RBMXL3: variants seen among roughly 807,000 people sequenced by gnomAD.
The protein encoded by RBMXL3 is RNA-binding motif protein, X-linked-like-3.
In RBMXL3, 2 loss-of-function variants were observed where a neutral mutation model predicts 0.8. That is an observed-to-expected ratio of 2.54 (90% CI 1.04 to 8.00). The LOEUF is 8.00. RBMXL3 is among the 30% of genes most tolerant of loss of function. The pLI is 0.04. For synonymous variants in RBMXL3, 447 were observed against 449.8 expected (o/e 0.99, Z 0.08); for missense variants, 1,127 against 1,068.0 (o/e 1.06, Z -0.77).
In RBMXL3 at chrX:115,190,958, T is replaced by TA. The variant is rs1266237186; in HGVS notation, c.1518dup (p.Gly507ArgfsTer5). 2 of 991,162 alleles carry TA rather than the reference T, an allele frequency of 2.0e-6. No individual in the cohort carries two copies. The highest frequency in any genetic ancestry group is 6.0e-5 in the African/African-American group (2 of 33,213). The allele number at this position is 991,162 out of a possible 1,213,427, so 81.7% of individuals were successfully genotyped here. ...TCCAGCTGGAGCGACCGCTACGGAG[T>TA]AGGAGGCCACTATGAGGAGAACCGA... is the stretch of plus-strand genomic sequence containing the variant. On this transcript the variant is annotated frameshift_variant, in exon 1 of 1. Coordinates refer to ENST00000424776, the MANE Select transcript of RBMXL3 (RefSeq NM_001145346.2). LOFTEE classifies it low-confidence loss of function (END_TRUNC).
rs1569516090 is a variant in RBMXL3, at chrX:115,192,246, C to T, written c.2805C>T (p.Asn935=). 1 of 1,165,630 alleles carries T rather than the reference C, an allele frequency of 8.6e-7. No homozygotes were observed. Reference sequence around the variant, plus strand: ...GCCGCGGCCTCAACAGTTCCAACAACAGTCATGGCCGGAGCCACCGCTACG... The same window carrying T: ...GCCGCGGCCTCAACAGTTCCAACAATAGTCATGGCCGGAGCCACCGCTACG... The part of the protein sequence containing the change: ...GGGRGLNSSN[N]SHGRSHRYGG... The change falls in exon 1 of 1, where the codon AAC becomes AAT. Residue 935 remains asparagine (N), a synonymous_variant. Transcript: ENST00000424776.
In RBMXL3 at chrX:115,189,440, A is replaced by G. The variant is rs782547043; in HGVS notation, c.-2A>G. On this transcript the variant is annotated 5_prime_UTR_variant, in exon 1 of 1. Transcript: ENST00000424776. ...CTCTGACCCACCATTCGGCAGGGAG[A>G]CATGATGGAAGCGGATCGCCCAGAG... The G allele has an allele frequency of 8.6e-7, 1 of 1,163,710 alleles. No individual in the cohort carries two copies. The highest frequency in any genetic ancestry group is 1.1e-6 in the Non-Finnish European group (1 of 870,519).
Position 115,192,288 on chromosome X carries a change from C to T in RBMXL3, c.2847C>T (p.Tyr949=), listed in dbSNP as rs970062912. 6.0e-6 allele frequency: 7 copies of T among 1,164,194 alleles called. No homozygotes were observed. Among genetic ancestry groups the T allele is most frequent in the Middle Eastern group, 2.3e-4 (1 of 4,311 alleles). The part of the protein sequence containing the change: ...RSHRYGGGGR[Y]EEYRGPSPDA... The stretch of plus-strand genomic sequence containing the variant: ...ACCGCTACGGAGGAGGAGGCCGCTA[C>T]GAGGAGTACCGAGGCCCCTCGCCTG... Residue 949 remains tyrosine (Y), a synonymous_variant, in exon 1 of 1, where the codon TAC becomes TAT. Transcript: ENST00000424776.
In RBMXL3 at chrX:115,191,064, C is replaced by T. The variant is rs1431257400; in HGVS notation, c.1623C>T (p.Tyr541=). ...GCCACAGCAGTTCCAGCAACAGTTACGGCCAGAGCCACCGCTATGGAGGAG... is the reference window on the plus strand; with the variant it reads ...GCCACAGCAGTTCCAGCAACAGTTATGGCCAGAGCCACCGCTATGGAGGAG... The part of the protein sequence containing the change: ...SGGHSSSSNS[Y]GQSHRYGGEG... The change falls in exon 1 of 1, where the codon TAC becomes TAT. Residue 541 remains tyrosine (Y), a synonymous_variant. Transcript: ENST00000424776. The T allele has an allele frequency of 2.7e-5, 31 of 1,164,524 alleles. No homozygotes were observed. Among genetic ancestry groups the T allele is most frequent in the Non-Finnish European group, 3.2e-5 (28 of 872,389 alleles).
Position 115,191,997 on chromosome X carries a change from C to T in RBMXL3, c.2556C>T (p.Ser852=). The change falls in exon 1 of 1, where the codon AGC becomes AGT. Residue 852 remains serine (S), a synonymous_variant. Transcript: ENST00000424776. ...RDSSSNSYDR[S]HRYGGGGHYE... ...GTTCCAGCAACAGTTACGACCGGAG[C>T]CACCGCTATGGAGGAGGAGGCCACT... The T allele has an allele frequency of 1.7e-6, 2 of 1,167,635 alleles. No individual in the cohort carries two copies. Among genetic ancestry groups the T allele is most frequent in the Admixed American group, 2.6e-5 (1 of 38,792 alleles).
chrX:115,192,184 G>A lies in RBMXL3; in HGVS notation c.2743G>A (p.Glu915Lys), dbSNP rs1392976094. The A allele has an allele frequency of 2.6e-6, 3 of 1,164,224 alleles. No homozygotes were observed. The East Asian group carries it at 9.8e-5, about 38-fold the overall frequency. ...DHYGRGGCYE[E>K]YQGRSPNAYG... is the part of the protein sequence containing the mutation. ...TTACGGAAGAGGAGGCTGCTACGAG[G>A]AATACCAAGGCCGCTCGCCCAATGC... is the stretch of plus-strand genomic sequence containing the variant. The change falls in exon 1 of 1, where the codon GAA becomes AAA. Residue 915 changes from glutamate to lysine, a missense_variant. Transcript: ENST00000424776.
rs1569515793 is a variant in RBMXL3 at position 115,190,793 on chromosome X, C to T, written c.1352C>T (p.Ala451Val). 1 of 1,162,705 alleles carries T rather than the reference C, an allele frequency of 8.6e-7. No homozygotes were observed. Among genetic ancestry groups the T allele is most frequent in the African/African-American group, 1.8e-5 (1 of 55,121 alleles). Reference sequence around the variant, plus strand: ...CACAGCAGGGGCCGGTCCGACGACGCCTACAGTGGGGGCCATGACAGTTCC... The same window carrying T: ...CACAGCAGGGGCCGGTCCGACGACGTCTACAGTGGGGGCCATGACAGTTCC... ...DAHSRGRSDD[A>V]YSGGHDSSSW... Residue 451 changes from alanine (A) to valine (V), a missense_variant, in exon 1 of 1, where the codon GCC (alanine) becomes GTC (valine). Physicochemically the swap from Ala to Val is moderately conservative, Grantham distance 64. Transcript: ENST00000424776.
In RBMXL3 at chrX:115,191,779, G is replaced by A. The variant is rs182038264; in HGVS notation, c.2338G>A (p.Glu780Lys). 2,103 of 1,162,152 alleles carry A rather than the reference G, an allele frequency of 1.8e-3. 12 individuals are homozygous for A. In the African/African-American group the frequency reaches 0.032, roughly 18 times the overall value. ...SHRYGGGGRY[E>K]EYRGRSLDAN... ...CCGCTACGGAGGAGGAGGCCGCTAC[G>A]AGGAGTACCGAGGCCGCTCGCTCGA... The change falls in exon 1 of 1, where the codon GAG becomes AAG. Residue 780 changes from glutamate to lysine, a missense_variant. Physicochemically the swap from Glu to Lys is moderately conservative, Grantham distance 56. Coordinates refer to ENST00000424776, the MANE Select transcript of RBMXL3 (RefSeq NM_001145346.2).
Position 115,190,216 on chromosome X carries a change from T to C in RBMXL3, c.775T>C (p.Tyr259His), listed in dbSNP as rs1556556925. Residue 259 changes from tyrosine to histidine, a missense_variant, in exon 1 of 1, where the codon TAC becomes CAC. Physicochemically the swap from Tyr to His is moderately conservative, Grantham distance 83. Transcript: ENST00000424776. Reference sequence around the variant, plus strand: ...GGATTTTGTCCCTGCGCTCAGAGACTACAGCCGCCGCTATTATGGCCACTC... The same window carrying C: ...GGATTTTGTCCCTGCGCTCAGAGACCACAGCCGCCGCTATTATGGCCACTC... ...PGDFVPALRDYSRRYYGHSSV... is the reference protein window; with the variant it reads ...PGDFVPALRDHSRRYYGHSSV... 2 of 1,165,553 alleles carry C rather than the reference T, an allele frequency of 1.7e-6. No homozygotes were observed. The highest frequency in any genetic ancestry group is 3.5e-5 in the African/African-American group (2 of 56,479).
Position 115,190,186 on chromosome X carries a change from C to T in RBMXL3, c.745C>T (p.Pro249Ser), listed in dbSNP as rs1013620937. Reference sequence around the variant, plus strand: ...GGAGCCACTGCCCCCGTGCCGCGACCCTGGGGATTTTGTCCCTGCGCTCAG... The same window carrying T: ...GGAGCCACTGCCCCCGTGCCGCGACTCTGGGGATTTTGTCCCTGCGCTCAG... Reference protein sequence around the residue: ...VREPLPPCRDPGDFVPALRDY... With the variant: ...VREPLPPCRDSGDFVPALRDY... The change falls in exon 1 of 1, where the codon CCT (proline) becomes TCT (serine). Residue 249 changes from proline (P) to serine (S), a missense_variant. Coordinates refer to ENST00000424776, the MANE Select transcript of RBMXL3 (RefSeq NM_001145346.2). 2.6e-5 allele frequency: 30 copies of T among 1,166,714 alleles called. No homozygotes were observed. Among genetic ancestry groups the T allele is most frequent in the Admixed American group, 1.3e-4 (5 of 38,845 alleles).
chrX:115,190,926 C>T lies in RBMXL3; in HGVS notation c.1485C>T (p.His495=), dbSNP rs782073197. The change falls in exon 1 of 1, where the codon CAC becomes CAT. Residue 495 remains histidine (H), a synonymous_variant. Coordinates refer to ENST00000424776, the MANE Select transcript of RBMXL3 (RefSeq NM_001145346.2). ...CGCCCGAGGCCTACAGTGGGGGCCA[C>T]GACAATTCCAGCTGGAGCGACCGCT... ...GCSPEAYSGG[H]DNSSWSDRYG... is the part of the protein sequence containing the mutation. 175 of 1,159,790 alleles carry T rather than the reference C, an allele frequency of 1.5e-4. No individual in the cohort carries two copies. In the Middle Eastern group the frequency reaches 2.8e-3, roughly 19 times the overall value.
chrX:115,192,715 T>G lies in RBMXL3; in HGVS notation c.*70T>G. On this transcript the variant is annotated 3_prime_UTR_variant, in exon 1 of 1. Coordinates refer to ENST00000424776, the MANE Select transcript of RBMXL3 (RefSeq NM_001145346.2). ...AAAGAAGAACCTGTTCTATGTTAAC[T>G]ACCCAAGGACTAGTATAAGTAGGAG... The G allele has an allele frequency of 5.7e-5, 55 of 965,594 alleles. No homozygotes were observed. Among genetic ancestry groups the G allele is most frequent in the Non-Finnish European group, 7.2e-5 (50 of 693,224 alleles). 79.6% of individuals were successfully genotyped at this position (965,594 alleles called of 1,213,427 possible).
Position 115,191,773 on chromosome X carries a change from C to G in RBMXL3, c.2332C>G (p.Arg778Gly). Residue 778 changes from arginine to glycine, a missense_variant, in exon 1 of 1, where the codon CGC becomes GGC. Physicochemically the swap from Arg to Gly is moderately radical, Grantham distance 125 (BLOSUM62 -2). Coordinates refer to ENST00000424776, the MANE Select transcript of RBMXL3 (RefSeq NM_001145346.2). ...SRSHRYGGGG[R>G]YEEYRGRSLD... The stretch of plus-strand genomic sequence containing the variant: ...GAGCCACCGCTACGGAGGAGGAGGC[C>G]GCTACGAGGAGTACCGAGGCCGCTC... 1 of 1,161,699 alleles carries G rather than the reference C, an allele frequency of 8.6e-7. No homozygotes were observed. Among genetic ancestry groups the G allele is most frequent in the African/African-American group, 1.8e-5 (1 of 55,186 alleles).
rs187066706 is a variant in RBMXL3 at position 115,189,780 on chromosome X, G to A, written c.339G>A (p.Gly113=). The part of the protein sequence containing the change: ...SRSRFSHRTR[G]GGSSPQRPPS... ...CAAGGTTCTCACACAGAACCCGTGG[G>A]GGTGGCAGCAGCCCACAGCGACCCC... Residue 113 remains glycine, a synonymous_variant, in exon 1 of 1, where the codon GGG becomes GGA. Transcript: ENST00000424776. 2.2e-3 allele frequency: 2,569 copies of A among 1,166,268 alleles called. 5 individuals carry two copies. The highest frequency in any genetic ancestry group is 0.014 in the Middle Eastern group (59 of 4,302).
chrX:115,192,202 C>T lies in RBMXL3; in HGVS notation c.2761C>T (p.Pro921Ser), dbSNP rs11795689. 120,465 of 1,164,697 alleles carry T rather than the reference C, an allele frequency of 0.1. 4,483 individuals carry two copies. Among genetic ancestry groups the T allele is most frequent in the Middle Eastern group, 0.12 (495 of 4,302 alleles). ...GCYEEYQGRS[P>S]NAYGGGRGLN... Reference sequence around the variant, plus strand: ...CTACGAGGAATACCAAGGCCGCTCGCCCAATGCCTACGGCGGGGGCCGCGG... The same window carrying T: ...CTACGAGGAATACCAAGGCCGCTCGTCCAATGCCTACGGCGGGGGCCGCGG... The change falls in exon 1 of 1, where the codon CCC (proline) becomes TCC (serine). Residue 921 changes from proline to serine, a missense_variant. Transcript: ENST00000424776.
Position 115,191,950 on chromosome X carries a change from G to C in RBMXL3, c.2509G>C (p.Ala837Pro). The C allele has an allele frequency of 2.6e-6, 3 of 1,165,611 alleles. No individual in the cohort carries two copies. The highest frequency in any genetic ancestry group is 3.4e-6 in the Non-Finnish European group (3 of 872,495). The change falls in exon 1 of 1, where the codon GCC becomes CCC. Residue 837 changes from alanine to proline, a missense_variant. Ala to Pro is a conservative substitution (Grantham distance 27). Transcript: ENST00000424776. ...DANSGGHSPNAYSGGRDSSSN... is the reference protein window; with the variant it reads ...DANSGGHSPNPYSGGRDSSSN... ...CAACAGCGGAGGCCACTCACCCAAC[G>C]CCTACAGTGGGGGCCGTGACAGTTC...
In RBMXL3 at chrX:115,190,726, C is replaced by T. The variant is rs782671829; in HGVS notation, c.1285C>T (p.Arg429Cys). Residue 429 changes from arginine to cysteine, a missense_variant, in exon 1 of 1, where the codon CGC becomes TGC. Transcript: ENST00000424776. ...AGGCCGCTATGAGGAGTACCGAGGC[C>T]GCTCACACGAGGCCCGCAGCGGGGG... ...GEGRYEEYRG[R>C]SHEARSGGRS... 2.8e-5 allele frequency: 31 copies of T among 1,125,413 alleles called. No homozygotes were observed. The highest frequency in any genetic ancestry group is 9.7e-5 in the African/African-American group (5 of 51,563). The allele number at this position is 1,125,413 out of a possible 1,213,427, so 92.7% of individuals were successfully genotyped here.
In RBMXL3 at chrX:115,189,681, G is replaced by A; in HGVS notation, c.240G>A (p.Met80Ile). The A allele has an allele frequency of 8.6e-7, 1 of 1,168,321 alleles. No homozygotes were observed. ...NGKYLDGKAI[M>I]VAQTIKPAFK... ...AGTACCTGGATGGTAAGGCCATCAT[G>A]GTGGCCCAGACCATCAAACCGGCAT... The change falls in exon 1 of 1, where the codon ATG becomes ATA. Residue 80 changes from methionine to isoleucine, a missense_variant. By Grantham distance (10) the Met-to-Ile change is conservative. Coordinates refer to ENST00000424776, the MANE Select transcript of RBMXL3 (RefSeq NM_001145346.2).
At position 115,191,375 on chromosome X, in the gene RBMXL3, G is replaced by A. The variant is rs868989271; in HGVS notation, c.1934G>A (p.Arg645His). The A allele has an allele frequency of 7.3e-5, 84 of 1,145,776 alleles. No homozygotes were observed. The African/African-American group carries it at 7.8e-4, about 11-fold the overall frequency. The allele number at this position is 1,145,776 out of a possible 1,213,427, so 94.4% of individuals were successfully genotyped here. A position where few individuals can be genotyped will look rare whatever the true frequency, so the allele number is the denominator to read the frequency against. ...TCCCTTGATGCCAACAGTGGAGGCC[G>A]CTCGCCTGATGCCTACAGTGGGGGC... ...GRSLDANSGG[R>H]SPDAYSGGHD... The change falls in exon 1 of 1, where the codon CGC becomes CAC. Residue 645 changes from arginine to histidine, a missense_variant. Physicochemically the swap from Arg to His is conservative, Grantham distance 29. Coordinates refer to ENST00000424776, the MANE Select transcript of RBMXL3 (RefSeq NM_001145346.2).
Sources: gnomAD v4.1 joint callset for allele counts on GRCh38, gnomAD v4.1.1 for gene constraint, MANE v1.5 for transcripts, NCBI Gene and HGNC (gene_info 2026-07-23, HGNC 2026-07-21) for gene names.